IGFL2: variants seen among roughly 807,000 people sequenced by gnomAD.
The protein encoded by IGFL2 is insulin growth factor-like family member 2.
IGFL2 carries 7 observed loss-of-function variants against 13.9 expected under a neutral mutation model. The ratio of observed to expected loss-of-function variants is 0.51; its 90% CI spans 0.29 to 0.95. The LOEUF is 0.95. IGFL2 is among the 40% of genes least tolerant of loss of function. The pLI is 0.08. For missense variants in IGFL2, 138 were observed against 147.8 expected (o/e 0.93, Z 0.34); for synonymous variants, 55 against 55.8 (o/e 0.99, Z 0.07).
the IGFL2 span, among the ~76,000 whole-genome samples, chr19:46,188,235 G>A: frequency 6.6e-6 from 1 of 152,042 alleles, no homozygotes; most frequent in Admixed American, 6.6e-5. Flanking sequence ...CCCCAGAAAG[G>A]CAGGTAACCC....
the IGFL2 span, among the ~76,000 whole-genome samples, chr19:46,171,356 G>A: frequency 4.0e-5 from 6 of 151,874 alleles, no homozygotes; most frequent in African/African-American, 1.2e-4. Flanking sequence ...TATTCAAGAC[G>A]AGATTATGGG....
At chr19:46,107,391 G>A in the IGFL2 span, among the ~76,000 whole-genome samples, 1 of 152,234 alleles carries the variant, frequency 6.6e-6, no homozygotes, top group Non-Finnish European at 1.5e-5. Context: ...GGGAGTGGCT[G>A]CTAGGCGAAT....
At chr19:46,098,273 T>G in the IGFL2 span, among the ~76,000 whole-genome samples, 1 of 152,220 alleles carries the variant, frequency 6.6e-6, no homozygotes, top group Admixed American at 6.5e-5. Context: ...CTTTGTCTTT[T>G]TTGAACCTTG....
intron 1 of IGFL2, among the ~76,000 whole-genome samples, chr19:46,153,599 GAAGA>G (rs1973633349): frequency 6.6e-6 from 1 of 151,932 alleles, no homozygotes. Context: ...CCAGTTAAGA[GAAGA>G]AAGGATAAGA....
At chr19:46,142,356 A>C (rs947986983), upstream of IGFL2, among the ~76,000 whole-genome samples, 1 of 152,214 alleles carries the variant, frequency 6.6e-6, no homozygotes. Context: ...AATTTCCTCA[A>C]ACATTACAAA....
upstream of IGFL2, among the ~76,000 whole-genome samples, chr19:46,144,916 G>A (rs947319023): frequency 2.6e-5 from 4 of 152,044 alleles, no homozygotes; most frequent in Admixed American, 1.3e-4. Context: ...TATCTGACAC[G>A]GTGCCTTTGA....
At chr19:46,119,812 G>C in the IGFL2 span, among the ~76,000 whole-genome samples, 1 of 150,660 alleles carries the variant, frequency 6.6e-6, no homozygotes, top group African/African-American at 2.5e-5. Context: ...TGGGGGTGCA[G>C]CTTGCCGGCA....
At chr19:46,176,830 C>T in the IGFL2 span, among the ~76,000 whole-genome samples, 1 of 152,196 alleles carries the variant, frequency 6.6e-6, no homozygotes, top group African/African-American at 2.4e-5. Context: ...GCGCCCCATC[C>T]TCTCTGGTCC....
the IGFL2 span, among the ~76,000 whole-genome samples, chr19:46,215,079 TC>T: frequency 6.6e-6 from 1 of 152,156 alleles, no homozygotes; most frequent in Non-Finnish European, 1.5e-5. Flanking sequence ...TGCTCTTTGT[TC>T]CTGAATAGCC....
At chr19:46,157,585 C>T (rs560273408) in intron 1 of IGFL2, among the ~76,000 whole-genome samples, 1 of 152,200 alleles carries the variant, frequency 6.6e-6, no homozygotes, top group Non-Finnish European at 1.5e-5. Context: ...AACACCCATT[C>T]GTGATTTTAA....
rs182574689 is a variant in IGFL2 at position 46,155,241 on chromosome 19, T to C, written c.20-5174T>C. ...TAACTAATATAGCACATCCGCAACA[T>C]GGAGACAGTAGGATAAAAGATGCTG... On this transcript the variant is annotated intron_variant, in intron 1 of 3. Transcript: ENST00000377693. Among the ~76,000 whole-genome samples the C allele has an allele frequency of 3.5e-4, 54 of 152,256 alleles. 1 individual carries two copies. The highest frequency in any genetic ancestry group is 1.2e-3 in the African/African-American group (48 of 41,556).
the IGFL2 span, among the ~76,000 whole-genome samples, chr19:46,167,320 C>T: frequency 4.6e-5 from 7 of 152,134 alleles, no homozygotes; most frequent in African/African-American, 2.4e-5. Context: ...TAATGTCCTG[C>T]GTGTGTGCAG....
the IGFL2 span, among the ~76,000 whole-genome samples, chr19:46,189,485 G>A: frequency 1.3e-5 from 2 of 152,172 alleles, no homozygotes; most frequent in African/African-American, 2.4e-5. Context: ...TAACTCCCCC[G>A]GGGAAAGGGA....
the IGFL2 span, chr19:46,198,000 CCCCTCCCT>C: frequency 4.9e-5 from 5 of 102,122 alleles, no homozygotes; most frequent in South Asian, 1.3e-3. Flanking sequence ...CCCTCCCCTC[CCCCTCCCT>C]CCCTCCCTCC....
At chr19:46,110,048 G>C in the IGFL2 span, among the ~76,000 whole-genome samples, 1 of 152,202 alleles carries the variant, frequency 6.6e-6, no homozygotes, top group Non-Finnish European at 1.5e-5. Context: ...AGTAAGCCTA[G>C]ATTGTAGCCC....
At chr19:46,088,259 A>C in the IGFL2 span, among the ~76,000 whole-genome samples, 3 of 152,206 alleles carry the variant, frequency 2.0e-5, no homozygotes, top group Non-Finnish European at 4.4e-5. Context: ...GCAAGTACCC[A>C]GTGCATCTAG....
At chr19:46,109,244 TAGG>T in the IGFL2 span, among the ~76,000 whole-genome samples, 4 of 152,092 alleles carry the variant, frequency 2.6e-5, no homozygotes, top group Admixed American at 2.6e-4. Flanking sequence ...GCAATGGAGT[TAGG>T]AGCAATGTTT....
chr19:46,085,054 A>G, the IGFL2 span, among the ~76,000 whole-genome samples: 1 of 152,208 alleles, frequency 6.6e-6, no homozygotes, highest in South Asian at 2.1e-4. Flanking sequence ...CCATGGGAGT[A>G]CAGCTATTGG....
the IGFL2 span, among the ~76,000 whole-genome samples, chr19:46,128,118 C>T: frequency 5.3e-5 from 8 of 152,042 alleles, no homozygotes; most frequent in Non-Finnish European, 8.8e-5. Flanking sequence ...CCTGATTTGG[C>T]TTTACTGTTG....
Sources: gnomAD v4.1 joint callset for allele counts (sites outside exome capture counted in the v4.1 genomes callset) on GRCh38, gnomAD v4.1.1 for gene constraint, MANE v1.5 for transcripts, NCBI Gene and HGNC (gene_info 2026-07-23, HGNC 2026-07-21) for gene names.